The following APP variants were observed in gnomAD, a reference collection of about 807,000 sequenced individuals.
APP encodes the protein amyloid-beta precursor protein.
Under a neutral mutation model 101.4 loss-of-function variants are expected in APP, and 31 were observed. The ratio of observed to expected loss-of-function variants is 0.31; its 90% CI spans 0.23 to 0.41. The LOEUF (loss-of-function observed/expected upper bound fraction) is 0.41, where lower values mean the gene tolerates loss of function less well. Ranked by LOEUF, APP falls within the 10% of genes least tolerant of loss-of-function variation. The probability of loss-of-function intolerance (pLI) is 1.00; values close to 1 mark genes in which losing one functional copy is unlikely to be tolerated. For missense variants in APP, 839 were observed against 1,003.7 expected (o/e 0.84, Z 2.22); for synonymous variants, 366 against 364.4 (o/e 1.00, Z -0.05).
chr21:26,053,167 T>C (rs1255774763), intron 4 of APP, 69 bp downstream of exon 4: 4 of 1,181,380 alleles, frequency 3.4e-6, no homozygotes, highest in Non-Finnish European at 5.1e-6. Context: ...AAAATACCCC[T>C]AAAATGCCAT....
At chr21:26,044,275 T>C (rs186196995) in intron 5 of APP, among the ~76,000 whole-genome samples, 2 of 152,266 alleles carry the variant, frequency 1.3e-5, no homozygotes, top group Admixed American at 1.3e-4. Flanking sequence ...TGCGCTCAAG[T>C]CTGGGCAACA....
intron 8 of APP, among the ~76,000 whole-genome samples, chr21:25,989,663 T>C (rs2042780240): frequency 6.6e-6 from 1 of 152,208 alleles, no homozygotes; most frequent in Admixed American, 6.5e-5. Flanking sequence ...AAGCAATTTA[T>C]CTCTACAGCC....
chr21:26,021,881 G>A lies in APP; in HGVS notation c.824C>T (p.Thr275Ile). The change falls in exon 6 of 18, where the codon ACC becomes ATC. Residue 275 changes from threonine to isoleucine, a missense_variant. Transcript: ENST00000346798. ...ATERTTSIATTTTTTTESVEE... is the reference protein window; with the variant it reads ...ATERTTSIATITTTTTESVEE... ...CACAGACTCTGTGGTGGTGGTGGTG[G>A]TGGTGGCAATGCTGGTGGTTCTCTC... The A allele has an allele frequency of 6.2e-7, 1 of 1,613,828 alleles. No homozygotes were observed. The highest frequency in any genetic ancestry group is 1.7e-5 in the Admixed American group (1 of 59,988).
Position 25,881,573 on chromosome 21 carries a change from G to A in APP, c.*97C>T, listed in dbSNP as rs886056992. ...GGCGATAATGAGTAAATCATAAAAC[G>A]GGTTTGTTTCTTCCCACATTATTCT... is the stretch of plus-strand genomic sequence containing the variant. On this transcript the variant is annotated 3_prime_UTR_variant, in exon 18 of 18. Coordinates refer to ENST00000346798, the MANE Select transcript of APP (RefSeq NM_000484.4). 16 of 1,354,376 alleles carry A rather than the reference G, an allele frequency of 1.2e-5. No homozygotes were observed. Among genetic ancestry groups the A allele is most frequent in the East Asian group, 2.3e-5 (1 of 43,632 alleles). 83.9% of individuals were successfully genotyped at this position (1,354,376 alleles called of 1,614,324 possible).
chr21:25,900,987 CAAAAAAA>C (rs71183520), intron 15 of APP, among the ~76,000 whole-genome samples: 85,437 of 118,700 alleles, frequency 0.72, 30,916 homozygotes, highest in Non-Finnish European at 0.81. Context: ...GACTCCATCT[CAAAAAAA>C]AAAAAAAAAA....
At chr21:26,145,174 A>G (rs2063128831) in intron 1 of APP, among the ~76,000 whole-genome samples, 1 of 152,182 alleles carries the variant, frequency 6.6e-6, no homozygotes, top group African/African-American at 2.4e-5. Flanking sequence ...CCTACCAGGA[A>G]TGGCAGAACC....
chr21:26,164,897 A>G (rs1196820703), intron 1 of APP, among the ~76,000 whole-genome samples: 1 of 151,506 alleles, frequency 6.6e-6, no homozygotes, highest in Non-Finnish European at 1.5e-5. Flanking sequence ...TATGTGGAAA[A>G]AAAGAAAAAA....
intron 8 of APP, among the ~76,000 whole-genome samples, chr21:25,987,438 A>G (rs1230367284): frequency 2.0e-5 from 3 of 152,254 alleles, no homozygotes; most frequent in Non-Finnish European, 4.4e-5. Flanking sequence ...CATCACATGC[A>G]TAAGCTTTTA....
intron 5 of APP, among the ~76,000 whole-genome samples, chr21:26,028,373 A>T (rs1310893263): frequency 1.3e-5 from 2 of 152,208 alleles, no homozygotes; most frequent in Non-Finnish European, 2.9e-5. Flanking sequence ...CGCTTCAGAA[A>T]TTCAACAGAG....
At chr21:26,160,865 C>G (rs548494937) in intron 1 of APP, among the ~76,000 whole-genome samples, 7 of 152,118 alleles carry the variant, frequency 4.6e-5, no homozygotes, top group African/African-American at 1.7e-4. Context: ...TGCAGGCCAA[C>G]TGAATTTTTG....
Position 25,885,944 on chromosome 21 carries a change from C to T in APP, c.2212-4173G>A, listed in dbSNP as rs138629383. The stretch of plus-strand genomic sequence containing the variant: ...CTATTGCCCCTAGAGTATTTACATG[C>T]GGGTGTGTGAGCTTGGAGGAGAGGC... On this transcript the variant is annotated intron_variant, in intron 17 of 17. Transcript: ENST00000346798. Among the ~76,000 whole-genome samples, 392 of 152,148 alleles carry T rather than the reference C, an allele frequency of 2.6e-3. 3 individuals carry two copies. Among genetic ancestry groups the T allele is most frequent in the African/African-American group, 8.6e-3 (357 of 41,504 alleles).
chr21:26,083,424 C>A (rs2061637109), intron 3 of APP, among the ~76,000 whole-genome samples: 1 of 151,884 alleles, frequency 6.6e-6, no homozygotes, highest in African/African-American at 2.4e-5. Context: ...AAGCAAGTCA[C>A]AAAACAGGAA....
intron 11 of APP, among the ~76,000 whole-genome samples, chr21:25,970,495 C>G (rs774395316): frequency 2.6e-5 from 4 of 152,134 alleles, no homozygotes; most frequent in Non-Finnish European, 5.9e-5. Flanking sequence ...AATGATCACA[C>G]GGCTCCTCTC....
chr21:26,133,142 G>A (rs897973520), intron 1 of APP, among the ~76,000 whole-genome samples: 1 of 152,192 alleles, frequency 6.6e-6, no homozygotes, highest in Non-Finnish European at 1.5e-5. Context: ...GGAGGCTGTG[G>A]AGGGAGGATC....
chr21:25,945,284 A>T (rs939412346), intron 13 of APP, among the ~76,000 whole-genome samples: 1 of 151,722 alleles, frequency 6.6e-6, no homozygotes, highest in Non-Finnish European at 1.5e-5. Flanking sequence ...TTCGAGGCAA[A>T]TATCAGTTCT....
chr21:25,970,118 T>C (rs1286775958), intron 11 of APP, among the ~76,000 whole-genome samples: 1 of 152,064 alleles, frequency 6.6e-6, no homozygotes, highest in Non-Finnish European at 1.5e-5. Context: ...CAGTAAAATA[T>C]TTCTTCCTAA....
chr21:25,917,113 T>G (rs2039388676), intron 13 of APP, among the ~76,000 whole-genome samples: 1 of 151,984 alleles, frequency 6.6e-6, no homozygotes, highest in African/African-American at 2.4e-5. Context: ...ATACAAAAAT[T>G]AGCCGTGCAT....
intron 3 of APP, among the ~76,000 whole-genome samples, chr21:26,057,032 T>C (rs1046246348): frequency 3.3e-4 from 50 of 152,218 alleles, no homozygotes; most frequent in African/African-American, 1.2e-3. Context: ...AATTAAAAAA[T>C]ATTGTACTTA....
chr21:25,882,086 CT>C (rs907368850), intron 17 of APP, among the ~76,000 whole-genome samples: 6 of 151,952 alleles, frequency 3.9e-5, no homozygotes, highest in African/African-American at 1.5e-4. Context: ...TTTTCCTCCC[CT>C]GTTGGGTCCA....
Sources: gnomAD v4.1 joint callset for allele counts (sites outside exome capture counted in the v4.1 genomes callset) on GRCh38, gnomAD v4.1.1 for gene constraint, MANE v1.5 for transcripts, NCBI Gene and HGNC (gene_info 2026-07-23, HGNC 2026-07-21) for gene names.